The following RUVBL2 variants were observed in gnomAD, a reference collection of about 807,000 sequenced individuals.
The protein encoded by RUVBL2 is RuvB like AAA ATPase 2, also known as ruvB-like 2.
RUVBL2 carries 9 observed loss-of-function variants against 57.9 expected under a neutral mutation model. That is an observed-to-expected ratio of 0.16 (90% CI 0.09 to 0.27). The LOEUF (loss-of-function observed/expected upper bound fraction) is 0.27, where lower values mean the gene tolerates loss of function less well. Ranked by LOEUF, RUVBL2 falls within the 10% of genes least tolerant of loss-of-function variation. The probability of loss-of-function intolerance (pLI) is 1.00; values close to 1 mark genes in which losing one functional copy is unlikely to be tolerated. For synonymous variants in RUVBL2, 278 were observed against 264.6 expected (o/e 1.05, Z -0.49); for missense variants, 456 against 669.6 (o/e 0.68, Z 3.52).
At chr19:49,005,464 G>T (rs937421097) in intron 4 of RUVBL2, among the ~76,000 whole-genome samples, 2 of 152,100 alleles carry the variant, frequency 1.3e-5, no homozygotes, top group Non-Finnish European at 2.9e-5. Flanking sequence ...AGGAAAACGG[G>T]GCATGTGGTG....
Position 49,010,473 on chromosome 19 carries a change from A to ACCCCCCCCCC in RUVBL2, c.664-10_664-9insCCCCCCCCCC. ...GCCCTGTCTCCGCCGTTCTTCCCCC[A>ACCCCCCCCCC]CCCCCGCCCCATAGACCAAGTTCGT... On this transcript the variant is annotated splice_polypyrimidine_tract_variant and intron_variant, in intron 8 of 14. Coordinates refer to ENST00000595090, the MANE Select transcript of RUVBL2 (RefSeq NM_006666.3). 3 of 753,968 alleles carry ACCCCCCCCCC rather than the reference A, an allele frequency of 4.0e-6. No individual in the cohort carries two copies. Among genetic ancestry groups the ACCCCCCCCCC allele is most frequent in the Non-Finnish European group, 4.0e-6 (2 of 503,146 alleles). 46.7% of individuals were successfully genotyped at this position (753,968 alleles called of 1,614,324 possible). A position where few individuals can be genotyped will look rare whatever the true frequency, so the allele number is the denominator to read the frequency against.
intron 3 of RUVBL2, among the ~76,000 whole-genome samples, chr19:49,003,543 T>C (rs985701918): frequency 1.3e-5 from 2 of 152,178 alleles, no homozygotes; most frequent in African/African-American, 2.4e-5. Context: ...CTCAGCACTT[T>C]GGGAGGCCAA....
intron 4 of RUVBL2, among the ~76,000 whole-genome samples, chr19:49,006,384 G>A (rs1054430050): frequency 1.3e-5 from 2 of 152,224 alleles, no homozygotes; most frequent in African/African-American, 4.8e-5. Context: ...GCGGTAGAGC[G>A]TCCTGCCCTG....
intron 2 of RUVBL2, 52 bp from the exon 3 acceptor site, chr19:49,003,227 A>G: frequency 6.8e-7 from 1 of 1,473,858 alleles, no homozygotes; most frequent in Non-Finnish European, 9.3e-7. Flanking sequence ...GTCAGGCCAC[A>G]TGTGCAGCAA....
chr19:49,009,660 T>C, intron 6 of RUVBL2, 116 bp from the exon 7 acceptor site: 1 of 866,138 alleles, frequency 1.2e-6, no homozygotes, highest in South Asian at 1.5e-5. Flanking sequence ...TTGTGCCCAT[T>C]TTGAAGCTGT....
At chr19:49,014,357 G>A (rs1039116171) in intron 11 of RUVBL2, 127 bp from the exon 12 acceptor site, 47 of 1,117,828 alleles carry the variant, frequency 4.2e-5, no homozygotes, top group Non-Finnish European at 5.5e-5. Flanking sequence ...GACAGGAGAC[G>A]CGAGCTAAAG....
intron 3 of RUVBL2, among the ~76,000 whole-genome samples, chr19:49,003,557 G>A (rs2039224935): frequency 6.6e-6 from 1 of 152,154 alleles, no homozygotes; most frequent in Non-Finnish European, 1.5e-5. Flanking sequence ...AGGCCAAGGT[G>A]GGTGGATCAC....
At position 49,015,114 on chromosome 19, in the gene RUVBL2, C is replaced by T. The variant is rs764600245; in HGVS notation, c.1215C>T (p.Leu405=). 13 of 1,610,004 alleles carry T rather than the reference C, an allele frequency of 8.1e-6. No homozygotes were observed. The South Asian group carries it at 1.4e-4, about 18-fold the overall frequency. ...CGTCACTGCGCTACGCCATCCAGCTCATCACAGCTGCCAGCTTGGTGTGCC... is the reference window on the plus strand; with the variant it reads ...CGTCACTGCGCTACGCCATCCAGCTTATCACAGCTGCCAGCTTGGTGTGCC... The part of the protein sequence containing the change: ...LETSLRYAIQ[L]ITAASLVCRK... Residue 405 remains leucine (L), a synonymous_variant, in exon 13 of 15, where the codon CTC becomes CTT. Coordinates refer to ENST00000595090, the MANE Select transcript of RUVBL2 (RefSeq NM_006666.3).
intron 2 of RUVBL2, among the ~76,000 whole-genome samples, chr19:49,000,328 G>A (rs1422791794): frequency 6.6e-6 from 1 of 152,256 alleles, no homozygotes; most frequent in Admixed American, 6.5e-5. Context: ...GCCAAGGTGG[G>A]CGGATCACCT....
chr19:48,993,497 C>T (rs2038984441), upstream of RUVBL2: 1 of 428,252 alleles, frequency 2.3e-6, no homozygotes, highest in Middle Eastern at 6.9e-4. Context: ...CGGAGCTTGC[C>T]GCTGCGCTTT....
At chr19:48,997,744 T>A (rs1227105337) in intron 1 of RUVBL2, among the ~76,000 whole-genome samples, 1 of 152,086 alleles carries the variant, frequency 6.6e-6, no homozygotes, top group Non-Finnish European at 1.5e-5. Flanking sequence ...GATGGACATG[T>A]GGGTTGTTTC....
At position 49,011,959 on chromosome 19, in the gene RUVBL2, G is replaced by A. The variant is rs1047636929; in HGVS notation, c.1001+649G>A. On this transcript the variant is annotated intron_variant, in intron 11 of 14. Transcript: ENST00000595090. This position sits in a 1 kb window ranked among gnomAD's most constrained non-coding sequence, Gnocchi z 4.4. ...CAGCACCCTGTGTAGCTGGGATTAC[G>A]GGCACCTGCCACCATGCCCGCTGGC... Among the ~76,000 whole-genome samples, 10 of 152,100 alleles carry A rather than the reference G, an allele frequency of 6.6e-5. No homozygotes were observed. Among genetic ancestry groups the A allele is most frequent in the African/African-American group, 2.2e-4 (9 of 41,426 alleles).
intron 1 of RUVBL2, among the ~76,000 whole-genome samples, chr19:48,998,688 G>A (rs1248997926): frequency 1.3e-5 from 2 of 149,778 alleles, no homozygotes; most frequent in Admixed American, 6.7e-5. Flanking sequence ...CAACCTGGGC[G>A]ACAGAGCAGA....
At position 49,015,866 on chromosome 19, in the gene RUVBL2, A is replaced by G. The variant is rs1347529536; in HGVS notation, c.*24A>G. 6.2e-7 allele frequency: 1 copy of G among 1,613,964 alleles called. No homozygotes were observed. On this transcript the variant is annotated 3_prime_UTR_variant, in exon 15 of 15. Coordinates refer to ENST00000595090, the MANE Select transcript of RUVBL2 (RefSeq NM_006666.3). ...GAGTTGGATGTCATCCCCCGACCCCACCCTGTTTTCCACCAGAGTTCTGAC... is the reference window on the plus strand; with the variant it reads ...GAGTTGGATGTCATCCCCCGACCCCGCCCTGTTTTCCACCAGAGTTCTGAC...
rs2039434663 is a variant in RUVBL2, at chr19:49,011,821, C to CTGGGATT, written c.1001+511_1001+512insTGGGATT. On this transcript the variant is annotated intron_variant, in intron 11 of 14. Transcript: ENST00000595090. The surrounding 1 kb of genome is among the most constrained non-coding windows in gnomAD (Gnocchi z 4.4). The stretch of plus-strand genomic sequence containing the variant: ...TCCCAGGTGTTGCCAGCACCCTGTG[C>CTGGGATT]ACGGGGAACTCTTAATGTTGTGTTT... 1.7e-5 allele frequency among the ~76,000 whole-genome samples: 2 copies of CTGGGATT among 116,628 alleles called. No individual in the cohort carries two copies. Among genetic ancestry groups the CTGGGATT allele is most frequent in the Non-Finnish European group, 4.1e-5 (2 of 48,682 alleles). 76.5% of individuals were successfully genotyped at this position (116,628 alleles called of 152,430 possible).
rs189042106 is a variant in RUVBL2, at chr19:49,010,913, C to A, written c.788-86C>A. The stretch of plus-strand genomic sequence containing the variant: ...TTTGCTCCCCTTCCTCCATCCCTGG[C>A]ATCATCCTTCTCTGTCTTAGCCACA... On this transcript the variant is annotated intron_variant, in intron 9 of 14. Coordinates refer to ENST00000595090, the MANE Select transcript of RUVBL2 (RefSeq NM_006666.3). 77 of 1,200,582 alleles carry A rather than the reference C, an allele frequency of 6.4e-5. No individual in the cohort carries two copies. The South Asian group carries it at 8.7e-4, about 14-fold the overall frequency. The allele number at this position is 1,200,582 out of a possible 1,614,324, so 74.4% of individuals were successfully genotyped here.
Position 49,011,426 on chromosome 19 carries a change from G to A in RUVBL2, c.1001+116G>A, listed in dbSNP as rs1004297657. On this transcript the variant is annotated intron_variant, in intron 11 of 14. Transcript: ENST00000595090. This position sits in a 1 kb window ranked among gnomAD's most constrained non-coding sequence, Gnocchi z 4.4. ...GGTCAGGGAGGGACGCGTGACTGCA[G>A]TGTGCGCTCTTTGCTTACAAAAGGC... 17 of 784,676 alleles carry A rather than the reference G, an allele frequency of 2.2e-5. No individual in the cohort carries two copies. The East Asian group carries it at 3.2e-4, about 15-fold the overall frequency. 48.6% of individuals were successfully genotyped at this position (784,676 alleles called of 1,614,324 possible). A position where few individuals can be genotyped will look rare whatever the true frequency, so the allele number is the denominator to read the frequency against.
At chr19:48,997,020 T>C (rs907971844) in intron 1 of RUVBL2, among the ~76,000 whole-genome samples, 1 of 151,744 alleles carries the variant, frequency 6.6e-6, no homozygotes, top group Non-Finnish European at 1.5e-5. Flanking sequence ...TACTACATAA[T>C]TCACCCATTT....
intron 2 of RUVBL2, among the ~76,000 whole-genome samples, 156 bp from the exon 3 acceptor site, chr19:49,003,123 G>T (rs572494228): frequency 6.6e-6 from 1 of 152,194 alleles, no homozygotes; most frequent in South Asian, 2.1e-4. Flanking sequence ...TGCCAATTTG[G>T]GATATCCTTT....
Sources: gnomAD v4.1 joint callset for allele counts (sites outside exome capture counted in the v4.1 genomes callset) on GRCh38, gnomAD v4.1.1 for gene constraint, Gnocchi (gnomAD v3.1) non-coding constraint, MANE v1.5 for transcripts, NCBI Gene and HGNC (gene_info 2026-07-23, HGNC 2026-07-21) for gene names.